RELT: variants seen among roughly 807,000 people sequenced by gnomAD.
RELT encodes the protein tumor necrosis factor receptor superfamily member 19L.
RELT carries 37 observed loss-of-function variants against 51.1 expected under a neutral mutation model. The ratio of observed to expected loss-of-function variants is 0.72; its 90% CI spans 0.56 to 0.95. The LOEUF is 0.95. RELT is among the 40% of genes least tolerant of loss of function. RELT has a pLI of 0.00. For missense variants in RELT, 535 were observed against 572.6 expected, an observed-to-expected ratio of 0.93 and a Z score of 0.67; for synonymous variants, 241 against 235.7, an observed-to-expected ratio of 1.02 and a Z score of -0.21.
Position 73,395,772 on chromosome 11 carries a change from T to A in RELT, c.*281T>A. The stretch of plus-strand genomic sequence containing the variant: ...GACCCCCGTGCCTGCCCTGGCTGGA[T>A]CCTAGGAGCCCACGGGATTCTCTGT... On this transcript the variant is annotated 3_prime_UTR_variant, in exon 11 of 11. Transcript: ENST00000064780. 1.9e-6 allele frequency: 1 copy of A among 533,798 alleles called. No homozygotes were observed. The highest frequency in any genetic ancestry group is 3.4e-6 in the Non-Finnish European group (1 of 297,322). The allele number at this position is 533,798 out of a possible 1,614,324, so 33.1% of individuals were successfully genotyped here. A position where few individuals can be genotyped will look rare whatever the true frequency, so the allele number is the denominator to read the frequency against.
At chr11:73,392,931 C>A (rs1180739098) in intron 6 of RELT, 1 of 1,015,688 alleles carries the variant, frequency 9.8e-7, no homozygotes, top group Non-Finnish European at 1.2e-6. Flanking sequence ...GTTTGAGTTA[C>A]AAGGCCTGGA....
At position 73,390,432 on chromosome 11, in the gene RELT, G is replaced by A. The variant is rs138224368; in HGVS notation, c.46-119G>A. The A allele has an allele frequency of 1.1e-4, 99 of 874,172 alleles. No homozygotes were observed. In the African/African-American group the frequency reaches 1.2e-3, roughly 10 times the overall value. The allele number at this position is 874,172 out of a possible 1,614,324, so 54.2% of individuals were successfully genotyped here. On this transcript the variant is annotated intron_variant, in intron 2 of 10. Transcript: ENST00000064780. ...TTAGAAGAGTGTGTCCCTGAAGCCC[G>A]GGTGGGGTAGTCAGTGGTCCCTACC...
chr11:73,391,504 C>T (rs896021382), intron 5 of RELT, among the ~76,000 whole-genome samples: 1 of 152,192 alleles, frequency 6.6e-6, no homozygotes, highest in African/African-American at 2.4e-5. Flanking sequence ...TGTCCCCATC[C>T]CTTCAAAGAG....
chr11:73,389,015 C>G (rs995096100), intron 1 of RELT, 97 bp from the exon 2 acceptor site: 1 of 706,054 alleles, frequency 1.4e-6, no homozygotes, highest in African/African-American at 1.8e-5. Context: ...CTTGCCTGCT[C>G]CCCATGAGTC....
chr11:73,390,365 G>A (rs1390167207), intron 2 of RELT, among the ~76,000 whole-genome samples, 186 bp from the exon 3 acceptor site: 2 of 152,118 alleles, frequency 1.3e-5, no homozygotes, highest in East Asian at 3.9e-4. Flanking sequence ...CTTGCAGCAG[G>A]TCTGGGACAG....
intron 1 of RELT, among the ~76,000 whole-genome samples, chr11:73,377,385 G>A (rs1865985159): frequency 6.6e-6 from 1 of 151,968 alleles, no homozygotes; most frequent in Non-Finnish European, 1.5e-5. Flanking sequence ...GAGGAAGTTG[G>A]GGAGCCAGGA....
In RELT at chr11:73,388,227, G is replaced by T. The variant is rs1287692103; in HGVS notation, c.-25-885G>T. 6.6e-6 allele frequency among the ~76,000 whole-genome samples: 1 copy of T among 152,220 alleles called. No individual in the cohort carries two copies. On this transcript the variant is annotated intron_variant, in intron 1 of 10. Coordinates refer to ENST00000064780, the MANE Select transcript of RELT (RefSeq NM_152222.2). The surrounding 1 kb of genome is among the most constrained non-coding windows in gnomAD (Gnocchi z 4.1). ...TCTTGGCACTTACCACCAAATGGCA[G>T]GGGCACCTCTCTGTTTGCAGTTGGG...
intron 1 of RELT, 109 bp downstream of exon 1, chr11:73,376,608 C>T (rs1292769834): frequency 6.6e-6 from 1 of 151,908 alleles, no homozygotes; most frequent in East Asian, 1.9e-4. Context: ...TGAGGAAGTT[C>T]GCGGGCTCGG....
chr11:73,381,580 A>C (rs1380942052), intron 1 of RELT, among the ~76,000 whole-genome samples: 2 of 152,296 alleles, frequency 1.3e-5, no homozygotes, highest in African/African-American at 4.8e-5. Flanking sequence ...GAGGCTTCCT[A>C]CAGGAGGGGA....
chr11:73,394,756 C>T lies in RELT; in HGVS notation c.1046+22C>T. On this transcript the variant is annotated intron_variant, in intron 9 of 10. Transcript: ENST00000064780. This position sits in a 1 kb window ranked among gnomAD's most constrained non-coding sequence, Gnocchi z 4.9. ...GCAGGTGAGATGGGCACAGATGCAG[C>T]AGGGGCAGGTAAAGACGTGACAGCC... 1 of 1,599,700 alleles carries T rather than the reference C, an allele frequency of 6.3e-7. No homozygotes were observed. Among genetic ancestry groups the T allele is most frequent in the Non-Finnish European group, 8.5e-7 (1 of 1,176,548 alleles).
In RELT at chr11:73,395,076, T is replaced by C. The variant is rs755191646; in HGVS notation, c.1047-11T>C. 7.5e-6 allele frequency: 12 copies of C among 1,610,112 alleles called. No homozygotes were observed. The Admixed American group carries it at 2.0e-4, about 27-fold the overall frequency. ...CCGCTAACGGGGATGATTGCCCCAC[T>C]CTCCTCACAGGTTCCGCGTGGCTCG... On this transcript the variant is annotated splice_polypyrimidine_tract_variant and intron_variant, in intron 9 of 10. Transcript: ENST00000064780.
At chr11:73,378,915 TG>T (rs1488346011) in intron 1 of RELT, among the ~76,000 whole-genome samples, 1 of 152,176 alleles carries the variant, frequency 6.6e-6, no homozygotes, top group Non-Finnish European at 1.5e-5. Context: ...TCATCATACT[TG>T]AGAGGCCCCC....
Position 73,379,018 on chromosome 11 carries a change from A to G in RELT, c.-26+2519A>G, listed in dbSNP as rs528996466. On this transcript the variant is annotated intron_variant, in intron 1 of 10. Coordinates refer to ENST00000064780, the MANE Select transcript of RELT (RefSeq NM_152222.2). ...AGGGAGTGACCTTGAGCTGGTCCCT[A>G]CTCTCTCTGGGCCTCGGTCTCCCTG... 1.3e-4 allele frequency among the ~76,000 whole-genome samples: 19 copies of G among 151,698 alleles called. No homozygotes were observed. The South Asian group carries it at 2.7e-3, about 22-fold the overall frequency.
At position 73,390,737 on chromosome 11, in the gene RELT, A is replaced by G; in HGVS notation, c.121-18A>G. The G allele has an allele frequency of 6.2e-7, 1 of 1,606,264 alleles. No individual in the cohort carries two copies. Among genetic ancestry groups the G allele is most frequent in the East Asian group, 2.2e-5 (1 of 44,730 alleles). ...AGGCTTGGCTCCTGGCCATGCTCTC[A>G]CCCTTTACCTCCCACAGGACCCAGG... On this transcript the variant is annotated intron_variant, in intron 3 of 10. Coordinates refer to ENST00000064780, the MANE Select transcript of RELT (RefSeq NM_152222.2).
At position 73,390,781 on chromosome 11, in the gene RELT, G is replaced by T. The variant is rs756704575; in HGVS notation, c.147G>T (p.Arg49Ser). 5.0e-6 allele frequency: 8 copies of T among 1,610,328 alleles called. No homozygotes were observed. Among genetic ancestry groups the T allele is most frequent in the Non-Finnish European group, 5.9e-6 (7 of 1,178,834 alleles). ...ACCCAGGGCAGGGCACATTATGCAG[G>T]CCCTGCCCCCCAGGCACCTTCTCAG... Reference protein sequence around the residue: ...DLDPGQGTLCRPCPPGTFSAA... With the variant: ...DLDPGQGTLCSPCPPGTFSAA... The change falls in exon 4 of 11, where the codon AGG (arginine) becomes AGT (serine). Residue 49 changes from arginine (R) to serine (S), a missense_variant. Arg to Ser is a moderately radical substitution (Grantham distance 110, BLOSUM62 -1). Coordinates refer to ENST00000064780, the MANE Select transcript of RELT (RefSeq NM_152222.2).
chr11:73,378,979 G>C (rs964569315), intron 1 of RELT, among the ~76,000 whole-genome samples: 1 of 152,308 alleles, frequency 6.6e-6, no homozygotes, highest in South Asian at 2.1e-4. Context: ...TGCATGTTAT[G>C]GTGGGGAGCA....
intron 10 of RELT, 40 bp from the exon 11 acceptor site, chr11:73,395,404 G>A: frequency 8.5e-7 from 1 of 1,182,260 alleles, no homozygotes; most frequent in Non-Finnish European, 1.3e-6. Context: ...CCAGAAGCCA[G>A]CCCCTGACTC....
chr11:73,386,296 G>C (rs1866122893), intron 1 of RELT, among the ~76,000 whole-genome samples: 1 of 152,228 alleles, frequency 6.6e-6, no homozygotes, highest in Non-Finnish European at 1.5e-5. Flanking sequence ...GAGGCTCTGG[G>C]GCCTCACTGA....
At chr11:73,393,046 C>T (rs1289555748) in intron 6 of RELT, 1 of 998,878 alleles carries the variant, frequency 1.0e-6, no homozygotes, top group African/African-American at 1.7e-5. Flanking sequence ...CCCACTCGCA[C>T]ACACCCTGCC....
Sources: gnomAD v4.1 joint callset for allele counts (sites outside exome capture counted in the v4.1 genomes callset) on GRCh38, gnomAD v4.1.1 for gene constraint, Gnocchi (gnomAD v3.1) non-coding constraint, MANE v1.5 for transcripts, NCBI Gene and HGNC (gene_info 2026-07-23, HGNC 2026-07-21) for gene names.